TECRL: variants seen among roughly 807,000 people sequenced by gnomAD.
TECRL encodes the protein trans-2,3-enoyl-CoA reductase-like.
Under a neutral mutation model 52.8 loss-of-function variants are expected in TECRL, and 63 were observed. The ratio of observed to expected loss-of-function variants is 1.19; its 90% CI spans 0.97 to 1.47. The LOEUF is 1.47. TECRL is among the 40% of genes most tolerant of loss of function. The pLI, the probability that TECRL is intolerant of heterozygous loss-of-function variation, is 0.00. For synonymous variants in TECRL, 164 were observed against 141.9 expected, an observed-to-expected ratio of 1.16 and a Z score of -1.10; for missense variants, 482 against 429.6, an observed-to-expected ratio of 1.12 and a Z score of -1.08.
At chr4:64,329,053 G>T (rs1408995572) in intron 2 of TECRL, among the ~76,000 whole-genome samples, 1 of 151,790 alleles carries the variant, frequency 6.6e-6, no homozygotes, top group African/African-American at 2.4e-5. Context: ...GAGTTTATTG[G>T]TCATAGCAGA....
chr4:64,387,902 A>G (rs937121453), intron 1 of TECRL, among the ~76,000 whole-genome samples: 1 of 151,844 alleles, frequency 6.6e-6, no homozygotes, highest in Non-Finnish European at 1.5e-5. Context: ...TTATAAATAT[A>G]TATTACATAC....
At chr4:64,328,272 C>G (rs1718395027) in intron 3 of TECRL, among the ~76,000 whole-genome samples, 1 of 151,932 alleles carries the variant, frequency 6.6e-6, no homozygotes, top group Non-Finnish European at 1.5e-5. Flanking sequence ...TAAAGCTTCA[C>G]AAACAAAAAT....
At chr4:64,332,167 C>T (rs923654898) in intron 2 of TECRL, among the ~76,000 whole-genome samples, 1 of 152,050 alleles carries the variant, frequency 6.6e-6, no homozygotes, top group East Asian at 1.9e-4. Context: ...AGCTAAGAGG[C>T]GAGGAAGCTG....
intron 2 of TECRL, among the ~76,000 whole-genome samples, chr4:64,361,367 G>C (rs1430777950): frequency 6.6e-6 from 1 of 152,020 alleles, no homozygotes; most frequent in Admixed American, 6.6e-5. Flanking sequence ...TATATCTACA[G>C]GTGTGCCCAT....
chr4:64,345,907 C>CAAAAAAAAA (rs777171822), intron 2 of TECRL, among the ~76,000 whole-genome samples: 6,996 of 23,280 alleles, frequency 0.3, 3,176 homozygotes, highest in East Asian at 0.45. Flanking sequence ...GCCTCAACAG[C>CAAAAAAAAA]AAAAAAAAAA....
At position 64,395,806 on chromosome 4, in the gene TECRL, C is replaced by G. The variant is rs182757544; in HGVS notation, c.234+13312G>C. On this transcript the variant is annotated intron_variant, in intron 1 of 11. Transcript: ENST00000381210. ...AAACATAGTAGCCAATAGTGAGTTT[C>G]TTATTCTTACTCTCCTTCTACCCTC... 7.4e-4 allele frequency among the ~76,000 whole-genome samples: 113 copies of G among 152,158 alleles called. 1 individual carries two copies. The highest frequency in any genetic ancestry group is 2.6e-3 in the African/African-American group (110 of 41,526).
chr4:64,380,742 T>A (rs547021353), intron 1 of TECRL, among the ~76,000 whole-genome samples: 1 of 152,206 alleles, frequency 6.6e-6, no homozygotes, highest in East Asian at 1.9e-4. Flanking sequence ...GGGTTCTATG[T>A]TCCATAGGTC....
intron 2 of TECRL, among the ~76,000 whole-genome samples, chr4:64,360,919 G>A (rs1263864157): frequency 6.6e-6 from 1 of 152,172 alleles, no homozygotes; most frequent in Non-Finnish European, 1.5e-5. Flanking sequence ...CAGAAGGTTT[G>A]GTGCAGGAAC....
intron 1 of TECRL, among the ~76,000 whole-genome samples, chr4:64,380,041 T>C (rs1426120778): frequency 6.6e-6 from 1 of 152,154 alleles, no homozygotes; most frequent in Non-Finnish European, 1.5e-5. Context: ...TCCTTTGATC[T>C]GCAGCCTCAC....
chr4:64,307,946 A>G (rs1724434783), intron 6 of TECRL, among the ~76,000 whole-genome samples: 1 of 152,132 alleles, frequency 6.6e-6, no homozygotes, highest in Admixed American at 6.6e-5. Context: ...GATGGAGGAG[A>G]AAACACTTTC....
intron 1 of TECRL, among the ~76,000 whole-genome samples, chr4:64,379,024 AT>A (rs1269300433): frequency 2.6e-5 from 4 of 151,958 alleles, no homozygotes; most frequent in Non-Finnish European, 5.9e-5. Flanking sequence ...TTATATTGCA[AT>A]AACAATTTGG....
chr4:64,332,565 T>C (rs962167378), intron 2 of TECRL, among the ~76,000 whole-genome samples: 2 of 152,142 alleles, frequency 1.3e-5, no homozygotes, highest in Non-Finnish European at 2.9e-5. Flanking sequence ...AAAAAGGTAT[T>C]ATAGAGATTC....
intron 1 of TECRL, among the ~76,000 whole-genome samples, chr4:64,375,911 C>A (rs1050682168): frequency 3.3e-5 from 5 of 151,668 alleles, no homozygotes; most frequent in African/African-American, 1.2e-4. Context: ...CAAGCCATCG[C>A]AATACTTTTT....
intron 7 of TECRL, among the ~76,000 whole-genome samples, chr4:64,303,385 C>A (rs1032892460): frequency 1.3e-5 from 2 of 151,590 alleles, no homozygotes; most frequent in African/African-American, 4.8e-5. Context: ...TGGATCAAAA[C>A]TCAAGATAAA....
intron 1 of TECRL, among the ~76,000 whole-genome samples, chr4:64,383,800 TATC>T: frequency 6.6e-6 from 1 of 152,178 alleles, no homozygotes; most frequent in Non-Finnish European, 1.5e-5. Flanking sequence ...TTTCTCATTT[TATC>T]ATGTTTCTTG....
intron 2 of TECRL, among the ~76,000 whole-genome samples, chr4:64,360,081 GTAACCATA>G (rs1721068023): frequency 6.6e-6 from 1 of 152,124 alleles, no homozygotes. Context: ...GAAATCGTAA[GTAACCATA>G]TGTTCAAAGT....
chr4:64,360,307 T>C (rs1721086044), intron 2 of TECRL, among the ~76,000 whole-genome samples: 1 of 152,182 alleles, frequency 6.6e-6, no homozygotes, highest in East Asian at 1.9e-4. Flanking sequence ...CATTATTTTA[T>C]CTGCAATTTT....
intron 4 of TECRL, 22 bp downstream of exon 4, chr4:64,322,667 T>G: frequency 6.6e-7 from 1 of 1,521,456 alleles, no homozygotes. Flanking sequence ...AAATGTATAT[T>G]ACATTTCAAA....
At chr4:64,399,504 G>A (rs568178810) in intron 1 of TECRL, among the ~76,000 whole-genome samples, 8 of 152,196 alleles carry the variant, frequency 5.3e-5, no homozygotes, top group African/African-American at 1.4e-4. Context: ...ATGAGAAAAA[G>A]GCCTGGAAGG....
Sources: gnomAD v4.1 joint callset for allele counts (sites outside exome capture counted in the v4.1 genomes callset) on GRCh38, gnomAD v4.1.1 for gene constraint, MANE v1.5 for transcripts, NCBI Gene and HGNC (gene_info 2026-07-23, HGNC 2026-07-21) for gene names.